Variants in ITPKB observed in about 807,000 individuals in gnomAD.
ITPKB encodes inositol-trisphosphate 3-kinase B.
Under a neutral mutation model 69.4 loss-of-function variants are expected in ITPKB, and 13 were observed. The observed-to-expected ratio is 0.19, with a 90% CI of 0.12 to 0.30. ITPKB has a LOEUF of 0.30. Among genes scored for constraint, ITPKB ranks in the 10% least tolerant of loss-of-function variants. The pLI is 1.00. For missense variants in ITPKB, 1,240 were observed against 1,250.5 expected (o/e 0.99, Z 0.13); for synonymous variants, 584 against 513.7 (o/e 1.14, Z -1.85).
Position 226,732,473 on chromosome 1 carries a change from A to T in ITPKB, c.1932+3054T>A, listed in dbSNP as rs192850549. 2.8e-4 allele frequency among the ~76,000 whole-genome samples: 42 copies of T among 151,740 alleles called. No homozygotes were observed. In the East Asian group the frequency reaches 8.1e-3, roughly 29 times the overall value. The stretch of plus-strand genomic sequence containing the variant: ...GGCTGGTTTTGAACTCCTGACCTCA[A>T]GTGATCCACCCGCCTTGGCCTCCGA... On this transcript the variant is annotated intron_variant, in intron 2 of 7. Coordinates refer to ENST00000429204, the MANE Select transcript of ITPKB (RefSeq NM_002221.4).
chr1:226,680,193 G>C (rs1291251921), intron 2 of ITPKB, among the ~76,000 whole-genome samples: 1 of 152,186 alleles, frequency 6.6e-6, no homozygotes, highest in Non-Finnish European at 1.5e-5. Flanking sequence ...CAGCGCCCGC[G>C]ACCACGTGAG....
intron 2 of ITPKB, among the ~76,000 whole-genome samples, chr1:226,651,933 C>T (rs74503037): frequency 0.026 from 3,949 of 152,312 alleles, 179 homozygotes; most frequent in African/African-American, 0.091. Flanking sequence ...ATAGGTCCCA[C>T]GTGGCCAAGG....
intron 2 of ITPKB, among the ~76,000 whole-genome samples, chr1:226,672,308 G>A (rs1482687723): frequency 6.6e-6 from 1 of 152,130 alleles, no homozygotes; most frequent in Non-Finnish European, 1.5e-5. Flanking sequence ...AAGACTAACT[G>A]ATGCTAAGTA....
chr1:226,689,782 T>C (rs2102779988), intron 2 of ITPKB, among the ~76,000 whole-genome samples: 1 of 152,306 alleles, frequency 6.6e-6, no homozygotes, highest in Middle Eastern at 3.4e-3. Flanking sequence ...CCCTCTACCC[T>C]TCAAAAGGCC....
rs1291754173 is a variant in ITPKB, at chr1:226,633,709, T to G, written c.*962A>C. 1 of 152,174 alleles carries G rather than the reference T, an allele frequency of 6.6e-6. No homozygotes were observed. Among genetic ancestry groups the G allele is most frequent in the Non-Finnish European group, 1.5e-5 (1 of 68,036 alleles). The allele number at this position is 152,174 out of a possible 1,614,324, so 9.4% of individuals were successfully genotyped here. On this transcript the variant is annotated 3_prime_UTR_variant, in exon 8 of 8. Transcript: ENST00000429204. ...CTTCCTGCCTGGCGCAGACCTGAGC[T>G]CCTCCCCTATTTCTATATCTGCAAG... is the stretch of plus-strand genomic sequence containing the variant.
intron 2 of ITPKB, 132 bp from the exon 3 acceptor site, chr1:226,648,903 C>A (rs1669115863): frequency 4.4e-6 from 3 of 686,946 alleles, no homozygotes; most frequent in South Asian, 3.3e-5. Context: ...GCTCTGAGGA[C>A]CTTGCCACCA....
chr1:226,641,955 G>A lies in ITPKB; in HGVS notation c.2417C>T (p.Thr806Met), dbSNP rs1186295177. 1.2e-6 allele frequency: 2 copies of A among 1,613,954 alleles called. No homozygotes were observed. Among genetic ancestry groups the A allele is most frequent in the Non-Finnish European group, 8.5e-7 (1 of 1,179,998 alleles). ...CTCGATCCTGAACCCCAGGGTGGCCGTGGAGCTGATGGTCTCCCGCCACTG... is the reference window on the plus strand; with the variant it reads ...CTCGATCCTGAACCCCAGGGTGGCCATGGAGCTGATGGTCTCCCGCCACTG... ...YMQWRETISS[T>M]ATLGFRIEGI... Residue 806 changes from threonine (T) to methionine (M), a missense_variant, in exon 5 of 8, where the codon ACG becomes ATG. By Grantham distance (81) the Thr-to-Met change is moderately conservative. This residue lies in a region of ITPKB where 248 missense variants were observed against 396.7 expected (regional missense o/e 0.63). Coordinates refer to ENST00000429204, the MANE Select transcript of ITPKB (RefSeq NM_002221.4). The surrounding 1 kb of genome is among the most constrained non-coding windows in gnomAD (Gnocchi z 4.6).
intron 2 of ITPKB, among the ~76,000 whole-genome samples, chr1:226,655,897 C>G (rs1669277545): frequency 1.3e-5 from 2 of 152,176 alleles, no homozygotes; most frequent in South Asian, 4.1e-4. Context: ...CCTGGTGACC[C>G]CCACTCCCAT....
chr1:226,653,368 G>C (rs558671901), intron 2 of ITPKB, among the ~76,000 whole-genome samples: 32 of 152,206 alleles, frequency 2.1e-4, no homozygotes, highest in Non-Finnish European at 3.7e-4. Flanking sequence ...TGGGCAGGAA[G>C]GACAAGAGCA....
chr1:226,668,359 C>T (rs1669546303), intron 2 of ITPKB, among the ~76,000 whole-genome samples: 1 of 152,280 alleles, frequency 6.6e-6, no homozygotes, highest in Admixed American at 6.5e-5. Flanking sequence ...TCACAGGATT[C>T]GGTATCAGTG....
Position 226,737,131 on chromosome 1 carries a change from G to C in ITPKB, c.328C>G (p.Arg110Gly), listed in dbSNP as rs769140718. 1.9e-6 allele frequency: 3 copies of C among 1,602,324 alleles called. No homozygotes were observed. The highest frequency in any genetic ancestry group is 4.5e-5 in the East Asian group (2 of 44,844). ...GTACCGGCTGCCACCACCTGCTGCC[G>C]GTCCCCTCGCAGGCGACCAGCCCAA... Reference protein sequence around the residue: ...PSWAGRLRGDRQQVVAAGTLS... With the variant: ...PSWAGRLRGDGQQVVAAGTLS... Residue 110 changes from arginine (R) to glycine (G), a missense_variant, in exon 2 of 8, where the codon CGG becomes GGG. Arg to Gly is a moderately radical substitution (Grantham distance 125). This residue lies in a region of ITPKB where 992 missense variants were observed against 853.8 expected (regional missense o/e 1.16). Coordinates refer to ENST00000429204, the MANE Select transcript of ITPKB (RefSeq NM_002221.4).
At chr1:226,652,246 G>A (rs1002065367) in intron 2 of ITPKB, among the ~76,000 whole-genome samples, 1 of 152,212 alleles carries the variant, frequency 6.6e-6, no homozygotes, top group Non-Finnish European at 1.5e-5. Context: ...AAGGATGGGA[G>A]GAGATTCCAG....
intron 2 of ITPKB, among the ~76,000 whole-genome samples, chr1:226,649,500 A>G (rs561966675): frequency 6.7e-6 from 1 of 148,740 alleles, no homozygotes; most frequent in African/African-American, 2.5e-5. Context: ...CAGTGTGTGC[A>G]TGCGTGATAT....
At chr1:226,688,112 A>AGCACTTCTGATAGGGTTC in intron 2 of ITPKB, among the ~76,000 whole-genome samples, 1 of 152,366 alleles carries the variant, frequency 6.6e-6, no homozygotes, top group East Asian at 1.9e-4. Context: ...AAATGGGCTT[A>AGCACTTCTGATAGGGTTC]GCACTTCTGA....
At chr1:226,730,223 G>T (rs1657549653) in intron 2 of ITPKB, among the ~76,000 whole-genome samples, 1 of 152,194 alleles carries the variant, frequency 6.6e-6, no homozygotes, top group African/African-American at 2.4e-5. Context: ...AGGAGATGCT[G>T]ATTGTTTCTG....
rs1057459970 is a variant in ITPKB at position 226,641,685 on chromosome 1, G to A, written c.2451+236C>T. ...GCTAAATGGAGAGTCCTCGGCAGAGGGCTGACAGCTGGGCAGGGCTAGAAG... is the reference window on the plus strand; with the variant it reads ...GCTAAATGGAGAGTCCTCGGCAGAGAGCTGACAGCTGGGCAGGGCTAGAAG... On this transcript the variant is annotated intron_variant, in intron 5 of 7. Coordinates refer to ENST00000429204, the MANE Select transcript of ITPKB (RefSeq NM_002221.4). The surrounding 1 kb of genome is among the most constrained non-coding windows in gnomAD (Gnocchi z 4.6). Among the ~76,000 whole-genome samples the A allele has an allele frequency of 6.6e-6, 1 of 152,250 alleles. No homozygotes were observed. Among genetic ancestry groups the A allele is most frequent in the Non-Finnish European group, 1.5e-5 (1 of 68,038 alleles).
chr1:226,698,933 T>G (rs1226543390), intron 2 of ITPKB, among the ~76,000 whole-genome samples: 1 of 152,212 alleles, frequency 6.6e-6, no homozygotes, highest in Non-Finnish European at 1.5e-5. Context: ...AAGAAAGAAC[T>G]AGAAAGCCAG....
At chr1:226,714,826 G>A (rs892484586) in intron 2 of ITPKB, among the ~76,000 whole-genome samples, 4 of 152,244 alleles carry the variant, frequency 2.6e-5, no homozygotes, top group South Asian at 2.1e-4. Context: ...ACAGTACAGA[G>A]TGGTGGGCAC....
intron 2 of ITPKB, among the ~76,000 whole-genome samples, chr1:226,691,484 G>A (rs1239001133): frequency 2.0e-5 from 3 of 152,102 alleles, no homozygotes; most frequent in African/African-American, 7.2e-5. Flanking sequence ...AGCACAGAAC[G>A]CCTTAGACTG....
Sources: gnomAD v4.1 joint callset for allele counts (sites outside exome capture counted in the v4.1 genomes callset) on GRCh38, gnomAD v4.1.1 for gene constraint, gnomAD v4.1.1 regional missense constraint, Gnocchi (gnomAD v3.1) non-coding constraint, MANE v1.5 for transcripts, NCBI Gene and HGNC (gene_info 2026-07-23, HGNC 2026-07-21) for gene names.